Variants in WFDC11 observed in about 807,000 individuals in gnomAD.
WFDC11 encodes protein WFDC11.
A neutral mutation model predicts 9.9 loss-of-function variants in WFDC11; 9 were observed. The observed-to-expected ratio is 0.91, with a 90% confidence interval of 0.55 to 1.58. WFDC11 has a LOEUF of 1.58. WFDC11 is among the 40% of genes most tolerant of loss of function. The pLI is 0.00. For missense variants in WFDC11, 106 were observed against 101.7 expected (o/e 1.04, Z -0.18); for synonymous variants, 32 against 33.3 (o/e 0.96, Z 0.13).
At chr20:45,653,370 G>C (rs759457392) in intron 2 of WFDC11, among the ~76,000 whole-genome samples, 4 of 152,094 alleles carry the variant, frequency 2.6e-5, no homozygotes, top group South Asian at 2.1e-4. Context: ...TTATAGACAA[G>C]CAAATGCTGA....
chr20:45,660,517 C>G, intron 2 of WFDC11, among the ~76,000 whole-genome samples: 1 of 151,976 alleles, frequency 6.6e-6, no homozygotes, highest in East Asian at 1.9e-4. Context: ...TTCACCCATT[C>G]ACTCGTCATT....
intron 4 of WFDC11, 24 bp downstream of exon 4, chr20:45,649,233 C>T (rs1481944812): frequency 2.5e-6 from 4 of 1,613,120 alleles, no homozygotes; most frequent in Admixed American, 1.7e-5. Flanking sequence ...AGATATACAC[C>T]CAAGCAAACA....
chr20:45,661,293 G>T (rs1156712800), intron 2 of WFDC11, among the ~76,000 whole-genome samples: 1 of 152,076 alleles, frequency 6.6e-6, no homozygotes, highest in East Asian at 1.9e-4. Context: ...ATTTGTTTGA[G>T]TTCTTTATAG....
intron 2 of WFDC11, among the ~76,000 whole-genome samples, chr20:45,657,005 C>A (rs1315960585): frequency 3.9e-5 from 6 of 152,152 alleles, no homozygotes; most frequent in African/African-American, 1.4e-4. Context: ...CTAGTTCAAC[C>A]ATTGTGGAAG....
At chr20:45,650,774 C>G in intron 2 of WFDC11, 123 bp from the exon 3 acceptor site, 1 of 545,322 alleles carries the variant, frequency 1.8e-6, no homozygotes, top group Non-Finnish European at 3.2e-6. Flanking sequence ...CAACAACTGG[C>G]ACACCTAAGC....
At chr20:45,668,733 TA>T (rs1983236393) in intron 1 of WFDC11, among the ~76,000 whole-genome samples, 1 of 152,130 alleles carries the variant, frequency 6.6e-6, no homozygotes, top group Admixed American at 6.6e-5. Flanking sequence ...ACATTTACAA[TA>T]AATATTTTCC....
intron 2 of WFDC11, among the ~76,000 whole-genome samples, chr20:45,664,415 A>G (rs1039580291): frequency 2.6e-5 from 4 of 152,174 alleles, no homozygotes; most frequent in African/African-American, 9.7e-5. Flanking sequence ...CATTTAGCCC[A>G]TTTACATTTA....
chr20:45,665,265 C>A (rs929857324), intron 2 of WFDC11, among the ~76,000 whole-genome samples: 2 of 152,230 alleles, frequency 1.3e-5, no homozygotes, highest in Non-Finnish European at 2.9e-5. Context: ...TCAGCTCCAT[C>A]AGGTCATTTA....
At chr20:45,650,823 C>T (rs1600935531) in intron 2 of WFDC11, among the ~76,000 whole-genome samples, 172 bp from the exon 3 acceptor site, 1 of 152,196 alleles carries the variant, frequency 6.6e-6, no homozygotes. Context: ...CTCCATCTCA[C>T]ACCTCATGTT....
rs1176922427 is a variant in WFDC11, at chr20:45,665,834, G to A, written c.-52+1254C>T. Reference sequence around the variant, plus strand: ...CACTTGGCCATATGAGGTGTCTGTCGGCCCCTACTGGGAAGTGACTCCCAG... The same window carrying A: ...CACTTGGCCATATGAGGTGTCTGTCAGCCCCTACTGGGAAGTGACTCCCAG... On this transcript the variant is annotated intron_variant, in intron 2 of 4. Coordinates refer to ENST00000324384, the MANE Select transcript of WFDC11 (RefSeq NM_147197.2). Among the ~76,000 whole-genome samples, 9 of 152,052 alleles carry A rather than the reference G, an allele frequency of 5.9e-5. No homozygotes were observed. The South Asian group carries it at 6.2e-4, about 11-fold the overall frequency.
rs181478932 is a variant in WFDC11, at chr20:45,667,921, T to C, written c.-133-752A>G. The stretch of plus-strand genomic sequence containing the variant: ...TCACCCAGTTGGACACCAAATTCAC[T>C]ATGAGTCAAATATTTAACATGTATT... On this transcript the variant is annotated intron_variant, in intron 1 of 4. Transcript: ENST00000324384. 1.7e-3 allele frequency among the ~76,000 whole-genome samples: 263 copies of C among 152,330 alleles called. 2 individuals are homozygous for C. The highest frequency in any genetic ancestry group is 0.012 in the South Asian group (57 of 4,828).
chr20:45,651,190 T>C (rs1982797568), intron 2 of WFDC11, among the ~76,000 whole-genome samples: 1 of 152,220 alleles, frequency 6.6e-6, no homozygotes, highest in South Asian at 2.1e-4. Context: ...AAATTCTTTT[T>C]GAAAATGTAT....
intron 2 of WFDC11, among the ~76,000 whole-genome samples, chr20:45,656,170 C>G (rs1298870950): frequency 6.6e-6 from 1 of 152,116 alleles, no homozygotes; most frequent in Non-Finnish European, 1.5e-5. Context: ...ATCACGTTAC[C>G]TGACTTCAAA....
intron 2 of WFDC11, 27 bp from the exon 3 acceptor site, chr20:45,650,678 A>G: frequency 1.6e-6 from 2 of 1,213,828 alleles, no homozygotes; most frequent in Non-Finnish European, 2.4e-6. Flanking sequence ...ATAAATAGGG[A>G]AAGAGAGGTG....
At chr20:45,658,433 G>A (rs553459539) in intron 2 of WFDC11, among the ~76,000 whole-genome samples, 21 of 152,008 alleles carry the variant, frequency 1.4e-4, no homozygotes, top group African/African-American at 4.8e-4. Flanking sequence ...AAGTTAGGAG[G>A]GTTGTATTTT....
At position 45,650,625 on chromosome 20, in the gene WFDC11, A is replaced by G. The variant is rs1982786883; in HGVS notation, c.-25T>C. On this transcript the variant is annotated 5_prime_UTR_variant, in exon 3 of 5. Coordinates refer to ENST00000324384, the MANE Select transcript of WFDC11 (RefSeq NM_147197.2). ...TATGTGTCTGAATATGTGTTGTCAG[A>G]AGGATTATTTTTCTTCCCAGTCGCT... 1.3e-6 allele frequency: 2 copies of G among 1,591,742 alleles called. No homozygotes were observed. The highest frequency in any genetic ancestry group is 1.7e-6 in the Non-Finnish European group (2 of 1,165,086).
At chr20:45,669,741 C>T (rs567970054) in intron 1 of WFDC11, among the ~76,000 whole-genome samples, 30 of 152,134 alleles carry the variant, frequency 2.0e-4, no homozygotes, top group Middle Eastern at 3.4e-3. Flanking sequence ...TCCAATTAAC[C>T]TAACATCACA....
At chr20:45,666,551 T>C (rs2145624887) in intron 2 of WFDC11, among the ~76,000 whole-genome samples, 1 of 152,198 alleles carries the variant, frequency 6.6e-6, no homozygotes, top group Non-Finnish European at 1.5e-5. Context: ...TATTCGGCCA[T>C]CTTGGAGCCG....
intron 3 of WFDC11, among the ~76,000 whole-genome samples, chr20:45,649,840 T>C (rs1271321171): frequency 4.6e-5 from 7 of 152,052 alleles, no homozygotes; most frequent in Admixed American, 2.0e-4. Context: ...ACAGATTCTC[T>C]CCCTTTTTCT....
Sources: allele counts gnomAD v4.1 joint callset (sites outside exome capture counted in the v4.1 genomes callset), GRCh38; gene constraint gnomAD v4.1.1; transcripts MANE v1.5; gene names NCBI Gene and HGNC (gene_info 2026-07-23, HGNC 2026-07-21).